PRDM13: variants seen among roughly 807,000 people sequenced by gnomAD.
PRDM13 encodes PR domain zinc finger protein 13.
PRDM13 carries 15 observed loss-of-function variants against 36.4 expected under a neutral mutation model. The ratio of observed to expected loss-of-function variants is 0.41; its 90% confidence interval spans 0.28 to 0.64. The LOEUF (loss-of-function observed/expected upper bound fraction) is 0.64. Among genes scored for constraint, PRDM13 ranks in the 30% least tolerant of loss-of-function variants. The pLI, the probability that PRDM13 is intolerant of heterozygous loss-of-function variation, is 0.29. For synonymous variants in PRDM13, 531 were observed against 467.7 expected (o/e 1.14, Z -1.75); for missense variants, 1,044 against 1,013.5 (o/e 1.03, Z -0.41).
At position 99,613,299 on chromosome 6, in the gene PRDM13, G is replaced by T; in HGVS notation, c.664G>T (p.Gly222Cys). The T allele has an allele frequency of 6.3e-7, 1 of 1,576,466 alleles. No homozygotes were observed. The highest frequency in any genetic ancestry group is 8.6e-7 in the Non-Finnish European group (1 of 1,163,398). ...PLGPPPVQAC[G>C]AREGIKREAS... ...GGGCCCGCCACCAGTTCAGGCCTGC[G>T]GTGCGCGGGAGGGCATCAAGCGCGA... Residue 222 changes from glycine to cysteine, a missense_variant, in exon 4 of 4, where the codon GGT (glycine) becomes TGT (cysteine). Around this residue, in one of 3 missense-constraint regions of PRDM13, gnomAD observed 921 missense variants for 865.2 expected, o/e 1.06. Coordinates refer to ENST00000369215, the MANE Select transcript of PRDM13 (RefSeq NM_021620.4). This position sits in a 1 kb window ranked among gnomAD's most constrained non-coding sequence, Gnocchi z 6.1.
At chr6:99,611,536 G>A (rs1033016414) in intron 3 of PRDM13, among the ~76,000 whole-genome samples, 1 of 152,114 alleles carries the variant, frequency 6.6e-6, no homozygotes, top group Non-Finnish European at 1.5e-5. Context: ...GGTGTCATAG[G>A]CAAATACTCT....
In PRDM13 at chr6:99,613,984, G is replaced by A; in HGVS notation, c.1349G>A (p.Gly450Asp). Residue 450 changes from glycine to aspartate, a missense_variant, in exon 4 of 4, where the codon GGT becomes GAT. By Grantham distance (94) the Gly-to-Asp change is moderately conservative (BLOSUM62 -1). Transcript: ENST00000369215. The surrounding 1 kb of genome is among the most constrained non-coding windows in gnomAD (Gnocchi z 6.1). ...DPGGLKAYPGGECSHLPAVMP... is the reference protein window; with the variant it reads ...DPGGLKAYPGDECSHLPAVMP... Reference sequence around the variant, plus strand: ...GGCGGTCTCAAAGCCTATCCGGGTGGTGAGTGCAGCCACCTGCCCGCCGTC... The same window carrying A: ...GGCGGTCTCAAAGCCTATCCGGGTGATGAGTGCAGCCACCTGCCCGCCGTC... 6.2e-7 allele frequency: 1 copy of A among 1,606,160 alleles called. No individual in the cohort carries two copies. The highest frequency in any genetic ancestry group is 1.1e-5 in the South Asian group (1 of 90,446).
chr6:99,615,107 G>A lies in PRDM13; in HGVS notation c.*348G>A, dbSNP rs1770112552. ...TGCGAACGTCACAGCGCCTTCGAGG[G>A]CGCAGATTTTAACTGCCACGTATTT... On this transcript the variant is annotated 3_prime_UTR_variant, in exon 4 of 4. Coordinates refer to ENST00000369215, the MANE Select transcript of PRDM13 (RefSeq NM_021620.4). 1 of 311,122 alleles carries A rather than the reference G, an allele frequency of 3.2e-6. No homozygotes were observed. The highest frequency in any genetic ancestry group is 4.5e-5 in the Admixed American group (1 of 22,332). 19.3% of individuals were successfully genotyped at this position (311,122 alleles called of 1,614,324 possible). A position where few individuals can be genotyped will look rare whatever the true frequency, so the allele number is the denominator to read the frequency against.
At position 99,613,905 on chromosome 6, in the gene PRDM13, C is replaced by A. The variant is rs1364800569; in HGVS notation, c.1270C>A (p.Pro424Thr). The A allele has an allele frequency of 1.3e-6, 2 of 1,580,570 alleles. No homozygotes were observed. Among genetic ancestry groups the A allele is most frequent in the Non-Finnish European group, 1.7e-6 (2 of 1,169,316 alleles). The change falls in exon 4 of 4, where the codon CCC (proline) becomes ACC (threonine). Residue 424 changes from proline (P) to threonine (T), a missense_variant. Pro to Thr is a conservative substitution (Grantham distance 38). This residue lies in a region of PRDM13 where 921 missense variants were observed against 865.2 expected (regional missense o/e 1.06). Transcript: ENST00000369215. The surrounding 1 kb of genome is among the most constrained non-coding windows in gnomAD (Gnocchi z 6.1). ...GCCAGGAGCGCGTTATGCGCAGCTG[C>A]CCCCTGCGCCGGGGTTGCCCCTCGA... ...ALPGARYAQL[P>T]PAPGLPLERC...
Position 99,613,807 on chromosome 6 carries a change from T to G in PRDM13, c.1172T>G (p.Leu391Arg). The change falls in exon 4 of 4, where the codon CTG becomes CGG. Residue 391 changes from leucine to arginine, a missense_variant. Around this residue, in one of 3 missense-constraint regions of PRDM13, gnomAD observed 921 missense variants for 865.2 expected, o/e 1.06. Transcript: ENST00000369215. The surrounding 1 kb of genome is among the most constrained non-coding windows in gnomAD (Gnocchi z 6.1). ...TCTGGGGCCCTGCGCGGCTTCCCTC[T>G]GCTCTCCGTCCCCCCGGAAGAGGCG... ...PCSGALRGFP[L>R]LSVPPEEASA... The G allele has an allele frequency of 1.3e-6, 2 of 1,510,206 alleles. No individual in the cohort carries two copies. The highest frequency in any genetic ancestry group is 1.8e-6 in the Non-Finnish European group (2 of 1,136,700). 93.6% of individuals were successfully genotyped at this position (1,510,206 alleles called of 1,614,324 possible).
chr6:99,607,559 G>T (rs62434599), intron 1 of PRDM13, among the ~76,000 whole-genome samples: 20,031 of 152,232 alleles, frequency 0.13, 1,418 homozygotes, highest in Middle Eastern at 0.18. Context: ...GGGGCTCAGG[G>T]CATCGAGACC....
At position 99,613,160 on chromosome 6, in the gene PRDM13, C is replaced by A. The variant is rs370254545; in HGVS notation, c.525C>A (p.His175Gln). Reference sequence around the variant, plus strand: ...GCGGCGCCTTCCTGCACCACGAACACGCGGCTCGCCAAGGCGCCGTCCCAG... The same window carrying A: ...GCGGCGCCTTCCTGCACCACGAACAAGCGGCTCGCCAAGGCGCCGTCCCAG... ...GGGGAFLHHE[H>Q]AARQGAVPAA... is the part of the protein sequence containing the mutation. Residue 175 changes from histidine to glutamine, a missense_variant, in exon 4 of 4, where the codon CAC (histidine) becomes CAA (glutamine). By Grantham distance (24) the His-to-Gln change is conservative. Coordinates refer to ENST00000369215, the MANE Select transcript of PRDM13 (RefSeq NM_021620.4). This position sits in a 1 kb window ranked among gnomAD's most constrained non-coding sequence, Gnocchi z 6.1. The A allele has an allele frequency of 1.9e-6, 3 of 1,612,904 alleles. No individual in the cohort carries two copies. The highest frequency in any genetic ancestry group is 2.7e-5 in the African/African-American group (2 of 74,938).
intron 3 of PRDM13, among the ~76,000 whole-genome samples, chr6:99,610,726 A>C (rs917354886): frequency 7.9e-5 from 12 of 152,228 alleles, no homozygotes; most frequent in African/African-American, 2.9e-4. Context: ...AAGTATAATA[A>C]AAGCCACATA....
In PRDM13 at chr6:99,613,813, C is replaced by T; in HGVS notation, c.1178C>T (p.Ser393Phe). The T allele has an allele frequency of 6.6e-7, 1 of 1,510,668 alleles. No individual in the cohort carries two copies. Among genetic ancestry groups the T allele is most frequent in the Non-Finnish European group, 8.8e-7 (1 of 1,136,890 alleles). The allele number at this position is 1,510,668 out of a possible 1,614,324, so 93.6% of individuals were successfully genotyped here. ...SGALRGFPLL[S>F]VPPEEASAFK... ...GCCCTGCGCGGCTTCCCTCTGCTCT[C>T]CGTCCCCCCGGAAGAGGCGTCCGCC... Residue 393 changes from serine (S) to phenylalanine (F), a missense_variant, in exon 4 of 4, where the codon TCC (serine) becomes TTC (phenylalanine). Physicochemically the swap from Ser to Phe is radical, Grantham distance 155. This residue lies in a region of PRDM13 where 921 missense variants were observed against 865.2 expected (regional missense o/e 1.06). Coordinates refer to ENST00000369215, the MANE Select transcript of PRDM13 (RefSeq NM_021620.4). The surrounding 1 kb of genome is among the most constrained non-coding windows in gnomAD (Gnocchi z 6.1).
Position 99,607,267 on chromosome 6 carries a change from A to G in PRDM13, c.144+89A>G, listed in dbSNP as rs1386093198. The G allele has an allele frequency of 1.1e-5, 17 of 1,545,280 alleles. No individual in the cohort carries two copies. In the Admixed American group the frequency reaches 2.7e-4, roughly 25 times the overall value. On this transcript the variant is annotated intron_variant, in intron 1 of 3. Transcript: ENST00000369215. ...GGTACGAGAGAAAGTGGAGGAAGGG[A>G]GTGATTGAGTCGTTACCTGCTAATT...
In PRDM13 at chr6:99,607,079, C is replaced by T. The variant is rs1488470252; in HGVS notation, c.45C>T (p.Asp15=). The T allele has an allele frequency of 1.2e-6, 2 of 1,613,238 alleles. No individual in the cohort carries two copies. The highest frequency in any genetic ancestry group is 1.7e-6 in the Non-Finnish European group (2 of 1,179,862). Residue 15 remains aspartate (D), a synonymous_variant, in exon 1 of 4, where the codon GAC becomes GAT. Coordinates refer to ENST00000369215, the MANE Select transcript of PRDM13 (RefSeq NM_021620.4). ...ARAPATSVSA[D]CCIPAGLRLG... Reference sequence around the variant, plus strand: ...CGCCAGCCACCAGCGTGAGTGCCGACTGCTGCATCCCGGCCGGCTTGCGCC... The same window carrying T: ...CGCCAGCCACCAGCGTGAGTGCCGATTGCTGCATCCCGGCCGGCTTGCGCC...
At chr6:99,611,208 A>G (rs1334718782) in intron 3 of PRDM13, among the ~76,000 whole-genome samples, 1 of 152,194 alleles carries the variant, frequency 6.6e-6, no homozygotes, top group Non-Finnish European at 1.5e-5. Context: ...AATACTAGCT[A>G]ACTTCAGTGG....
At chr6:99,612,728 AGCCT>A (rs1342224006) in intron 3 of PRDM13, among the ~76,000 whole-genome samples, 4 of 152,228 alleles carry the variant, frequency 2.6e-5, no homozygotes, top group African/African-American at 9.6e-5. Context: ...TTACACGGCC[AGCCT>A]GCCTGAGTGC....
chr6:99,615,254 C>T lies in PRDM13; in HGVS notation c.*495C>T, dbSNP rs772194141. The T allele has an allele frequency of 3.1e-5, 5 of 163,448 alleles. No homozygotes were observed. The highest frequency in any genetic ancestry group is 9.6e-5 in the African/African-American group (4 of 41,682). The allele number at this position is 163,448 out of a possible 1,614,324, so 10.1% of individuals were successfully genotyped here. On this transcript the variant is annotated 3_prime_UTR_variant, in exon 4 of 4. Coordinates refer to ENST00000369215, the MANE Select transcript of PRDM13 (RefSeq NM_021620.4). ...AGTCACAATTGGGTAGATGTGACAT[C>T]CATATACTTGTTTACATTTTATCTG...
At position 99,613,848 on chromosome 6, in the gene PRDM13, G is replaced by A. The variant is rs754692246; in HGVS notation, c.1213G>A (p.Val405Met). The stretch of plus-strand genomic sequence containing the variant: ...GGAAGAGGCGTCCGCCTTCAAGCAC[G>A]TGGAGCGCGCCCCGCCCGCAGCCGC... ...PPEEASAFKH[V>M]ERAPPAAAAL... The change falls in exon 4 of 4, where the codon GTG (valine) becomes ATG (methionine). Residue 405 changes from valine (V) to methionine (M), a missense_variant. Around this residue, in one of 3 missense-constraint regions of PRDM13, gnomAD observed 921 missense variants for 865.2 expected, o/e 1.06. Coordinates refer to ENST00000369215, the MANE Select transcript of PRDM13 (RefSeq NM_021620.4). The surrounding 1 kb of genome is among the most constrained non-coding windows in gnomAD (Gnocchi z 6.1). 8 of 1,509,960 alleles carry A rather than the reference G, an allele frequency of 5.3e-6. No homozygotes were observed. The African/African-American group carries it at 5.8e-5, about 11-fold the overall frequency. The allele number at this position is 1,509,960 out of a possible 1,614,324, so 93.5% of individuals were successfully genotyped here.
Position 99,613,758 on chromosome 6 carries a change from C to T in PRDM13, c.1123C>T (p.Pro375Ser). 1 of 1,494,848 alleles carries T rather than the reference C, an allele frequency of 6.7e-7. No homozygotes were observed. The highest frequency in any genetic ancestry group is 1.2e-5 in the South Asian group (1 of 80,048). The allele number at this position is 1,494,848 out of a possible 1,614,324, so 92.6% of individuals were successfully genotyped here. ...KCLLAGDPPPPPPPGLPCSGA... is the reference protein window; with the variant it reads ...KCLLAGDPPPSPPPGLPCSGA... Reference sequence around the variant, plus strand: ...CCTGCTCGCTGGGGACCCGCCGCCGCCGCCGCCGCCTGGCCTGCCCTGCTC... The same window carrying T: ...CCTGCTCGCTGGGGACCCGCCGCCGTCGCCGCCGCCTGGCCTGCCCTGCTC... Residue 375 changes from proline to serine, a missense_variant, in exon 4 of 4, where the codon CCG becomes TCG. Around this residue, in one of 3 missense-constraint regions of PRDM13, gnomAD observed 921 missense variants for 865.2 expected, o/e 1.06. Transcript: ENST00000369215. This position sits in a 1 kb window ranked among gnomAD's most constrained non-coding sequence, Gnocchi z 6.1.
rs1371092155 is a variant in PRDM13, at chr6:99,607,137, A to G, written c.103A>G (p.Lys35Glu). 1 of 1,613,850 alleles carries G rather than the reference A, an allele frequency of 6.2e-7. No homozygotes were observed. Among genetic ancestry groups the G allele is most frequent in the Non-Finnish European group, 8.5e-7 (1 of 1,180,018 alleles). The change falls in exon 1 of 4, where the codon AAG (lysine) becomes GAG (glutamate). Residue 35 changes from lysine to glutamate, a missense_variant. Physicochemically the swap from Lys to Glu is moderately conservative, Grantham distance 56. This residue lies in a region of PRDM13 where 921 missense variants were observed against 865.2 expected (regional missense o/e 1.06). Coordinates refer to ENST00000369215, the MANE Select transcript of PRDM13 (RefSeq NM_021620.4). ...GPVPGTFKLG[K>E]YLSDRREPGP... ...GGTGCCTGGTACCTTCAAGCTGGGC[A>G]AGTACCTGTCAGACCGCAGGGAGCC...
chr6:99,609,387 G>A (rs1385902129), intron 3 of PRDM13, 80 bp downstream of exon 3: 5 of 1,524,102 alleles, frequency 3.3e-6, no homozygotes, highest in African/African-American at 2.8e-5. Context: ...GACATAGCTC[G>A]ATCTATGTAA....
At chr6:99,609,956 T>C (rs986931047) in intron 3 of PRDM13, among the ~76,000 whole-genome samples, 6 of 152,162 alleles carry the variant, frequency 3.9e-5, no homozygotes, top group African/African-American at 1.4e-4. Context: ...CATCATGAGT[T>C]CCACAGAGTA....
Sources: gnomAD v4.1 joint callset for allele counts (sites outside exome capture counted in the v4.1 genomes callset) on GRCh38, gnomAD v4.1.1 for gene constraint, gnomAD v4.1.1 regional missense constraint, Gnocchi (gnomAD v3.1) non-coding constraint, MANE v1.5 for transcripts, NCBI Gene and HGNC (gene_info 2026-07-23, HGNC 2026-07-21) for gene names.